KDM3B: variants seen among roughly 807,000 people sequenced by gnomAD.
KDM3B encodes lysine demethylase 3B.
KDM3B carries 10 observed loss-of-function variants against 170.0 expected under a neutral mutation model. That is an observed-to-expected ratio of 0.06 (90% CI 0.04 to 0.10). KDM3B has a LOEUF of 0.10. Ranked by LOEUF, KDM3B falls within the 10% of genes least tolerant of loss-of-function variation. The pLI is 1.00. For synonymous variants in KDM3B, 831 were observed against 834.8 expected, an observed-to-expected ratio of 1.00 and a Z score of 0.08; for missense variants, 1,394 against 2,195.2, an observed-to-expected ratio of 0.64 and a Z score of 7.29.
At chr5:138,388,957 G>T (rs1207281898) in intron 7 of KDM3B, among the ~76,000 whole-genome samples, 1 of 152,186 alleles carries the variant, frequency 6.6e-6, no homozygotes, top group Non-Finnish European at 1.5e-5. Context: ...AAAAGGATTT[G>T]GAATTTAATC....
chr5:138,406,607 T>C (rs571469475), intron 11 of KDM3B, among the ~76,000 whole-genome samples: 2 of 152,212 alleles, frequency 1.3e-5, no homozygotes, highest in South Asian at 2.1e-4. Context: ...CATTGCACTC[T>C]AGCCTAGGCA....
At chr5:138,353,254 G>A (rs1037504037) in intron 1 of KDM3B, among the ~76,000 whole-genome samples, 2 of 152,226 alleles carry the variant, frequency 1.3e-5, no homozygotes, top group African/African-American at 4.8e-5. Flanking sequence ...CCTCCTGGGC[G>A]ACCCTTTTCT....
Position 138,386,526 on chromosome 5 carries a change from TCCACCC to T in KDM3B, c.1287_1292del (p.Thr430_Pro431del), listed in dbSNP as rs1218137112. On this transcript the variant is annotated inframe_deletion, in exon 7 of 24. Coordinates refer to ENST00000314358, the MANE Select transcript of KDM3B (RefSeq NM_016604.4). ...CGCAGCTGTGGTCACTACCGCCAGC[TCCACCC>T]CAAACACAGTGAGGATCTCAGACAC... 3.1e-6 allele frequency: 5 copies of T among 1,614,118 alleles called. No homozygotes were observed. The highest frequency in any genetic ancestry group is 4.2e-6 in the Non-Finnish European group (5 of 1,180,018).
chr5:138,388,363 C>CAGT (rs1049126849), intron 7 of KDM3B, among the ~76,000 whole-genome samples: 91 of 151,928 alleles, frequency 6.0e-4, no homozygotes, highest in African/African-American at 2.1e-3. Flanking sequence ...AGGCATAGTA[C>CAGT]AGCTCATGCC....
rs1173393751 is a variant in KDM3B at position 138,382,495 on chromosome 5, G to A, written c.780+905G>A. 9.9e-5 allele frequency among the ~76,000 whole-genome samples: 15 copies of A among 152,024 alleles called. No homozygotes were observed. The East Asian group carries it at 1.9e-3, about 20-fold the overall frequency. On this transcript the variant is annotated intron_variant, in intron 6 of 23. Coordinates refer to ENST00000314358, the MANE Select transcript of KDM3B (RefSeq NM_016604.4). Reference sequence around the variant, plus strand: ...ATAAAAATCTCTGCCTGAACCAATCGAGTAATTCTGTGTGAATTTCCTTCA... The same window carrying A: ...ATAAAAATCTCTGCCTGAACCAATCAAGTAATTCTGTGTGAATTTCCTTCA...
chr5:138,424,414 C>T, intron 16 of KDM3B, 73 bp downstream of exon 16: 10 of 1,490,166 alleles, frequency 6.7e-6, no homozygotes, highest in African/African-American at 1.4e-5. Context: ...AATTCCAGGT[C>T]TCTCTTTTTG....
chr5:138,360,766 A>G (rs1403867946), intron 1 of KDM3B, among the ~76,000 whole-genome samples: 1 of 151,822 alleles, frequency 6.6e-6, no homozygotes, highest in African/African-American at 2.4e-5. Context: ...TAATTTTTGT[A>G]GTTTTAATAG....
intron 1 of KDM3B, among the ~76,000 whole-genome samples, chr5:138,367,242 C>G (rs1761768084): frequency 6.6e-6 from 1 of 152,166 alleles, no homozygotes; most frequent in Non-Finnish European, 1.5e-5. Flanking sequence ...TCCCTACTGT[C>G]AAGTTGCTAC....
At chr5:138,359,756 G>A (rs927769129) in intron 1 of KDM3B, among the ~76,000 whole-genome samples, 12 of 152,068 alleles carry the variant, frequency 7.9e-5, no homozygotes, top group African/African-American at 2.7e-4. Flanking sequence ...AGTATCACTT[G>A]GTTTTGAATG....
At chr5:138,353,979 G>C (rs1301289345) in intron 1 of KDM3B, among the ~76,000 whole-genome samples, 1 of 152,150 alleles carries the variant, frequency 6.6e-6, no homozygotes, top group Non-Finnish European at 1.5e-5. Flanking sequence ...GGGGCAGGGG[G>C]TGGTCTTTTG....
At chr5:138,355,241 T>C (rs1761420811) in intron 1 of KDM3B, among the ~76,000 whole-genome samples, 1 of 152,234 alleles carries the variant, frequency 6.6e-6, no homozygotes, top group African/African-American at 2.4e-5. Flanking sequence ...CGCCCCCTTT[T>C]AAGGATGAGT....
chr5:138,370,043 G>T (rs1290989936), intron 1 of KDM3B, among the ~76,000 whole-genome samples: 1 of 152,204 alleles, frequency 6.6e-6, no homozygotes, highest in African/African-American at 2.4e-5. Context: ...GCACTTAAAT[G>T]TAAGTTTGAA....
At chr5:138,428,936 A>ATTT (rs1763461775) in intron 20 of KDM3B, among the ~76,000 whole-genome samples, 1 of 124,576 alleles carries the variant, frequency 8.0e-6, no homozygotes, top group African/African-American at 3.3e-5. Flanking sequence ...TTCAGGGATA[A>ATTT]TTTCTTTTTT....
At chr5:138,368,640 G>T (rs960476778) in intron 1 of KDM3B, among the ~76,000 whole-genome samples, 1 of 151,998 alleles carries the variant, frequency 6.6e-6, no homozygotes, top group African/African-American at 2.4e-5. Context: ...CACTCTTGGG[G>T]GAATATGTTT....
chr5:138,359,420 C>G (rs1761541739), intron 1 of KDM3B, among the ~76,000 whole-genome samples: 1 of 151,706 alleles, frequency 6.6e-6, no homozygotes, highest in African/African-American at 2.4e-5. Flanking sequence ...TCTCAGCCTC[C>G]CAAAGTGCTG....
chr5:138,379,108 C>G (rs1052778523), intron 4 of KDM3B, among the ~76,000 whole-genome samples: 1 of 152,268 alleles, frequency 6.6e-6, no homozygotes, highest in Middle Eastern at 3.4e-3. Context: ...TCTTCACCCA[C>G]TGTTATTGAA....
intron 1 of KDM3B, 41 bp from the exon 2 acceptor site, chr5:138,372,633 T>C: frequency 1.3e-6 from 2 of 1,569,152 alleles, no homozygotes; most frequent in Non-Finnish European, 1.7e-6. Context: ...GTGTGAGATT[T>C]TTCCAAGTGT....
Position 138,391,563 on chromosome 5 carries a change from T to C in KDM3B, c.1931T>C (p.Val644Ala), listed in dbSNP as rs1561773662. Residue 644 changes from valine (V) to alanine (A), a missense_variant, in exon 8 of 24, where the codon GTT becomes GCT. This residue lies in a region of KDM3B where 294 missense variants were observed against 311.7 expected (regional missense o/e 0.94). Transcript: ENST00000314358. The surrounding 1 kb of genome is among the most constrained non-coding windows in gnomAD (Gnocchi z 5.0). ...SNPFLAFVEK[V>A]EHSPFSSFAS... ...CCTTTCCTGGCATTTGTGGAGAAAG[T>C]TGAACACAGCCCTTTCAGTAGTTTT... The C allele has an allele frequency of 1.9e-6, 3 of 1,614,004 alleles. No homozygotes were observed. Among genetic ancestry groups the C allele is most frequent in the Non-Finnish European group, 2.5e-6 (3 of 1,180,044 alleles).
chr5:138,361,904 G>A (rs1171600561), intron 1 of KDM3B, among the ~76,000 whole-genome samples: 1 of 152,166 alleles, frequency 6.6e-6, no homozygotes, highest in East Asian at 1.9e-4. Context: ...AGCTTGTGAA[G>A]AAGTTCAGGA....
Sources: gnomAD v4.1 joint callset for allele counts (sites outside exome capture counted in the v4.1 genomes callset) on GRCh38, gnomAD v4.1.1 for gene constraint, gnomAD v4.1.1 regional missense constraint, Gnocchi (gnomAD v3.1) non-coding constraint, MANE v1.5 for transcripts, NCBI Gene and HGNC (gene_info 2026-07-23, HGNC 2026-07-21) for gene names.